Variants in B3GALNT2 observed in about 807,000 individuals in gnomAD.
B3GALNT2 encodes the protein UDP-GalNAc:beta-1,3-N-acetylgalactosaminyltransferase 2.
B3GALNT2 carries 53 observed loss-of-function variants against 61.1 expected under a neutral mutation model. The observed-to-expected ratio is 0.87, with a 90% confidence interval of 0.70 to 1.09. The LOEUF (loss-of-function observed/expected upper bound fraction) is 1.09. B3GALNT2 is among the 50% of genes least tolerant of loss of function. The pLI, the probability that B3GALNT2 is intolerant of heterozygous loss-of-function variation, is 0.00. For synonymous variants in B3GALNT2, 223 were observed against 237.4 expected, an observed-to-expected ratio of 0.94 and a Z score of 0.56; for missense variants, 544 against 623.0, an observed-to-expected ratio of 0.87 and a Z score of 1.35.
the B3GALNT2 span, chr1:235,441,433 A>G: frequency 1.8e-5 from 5 of 277,914 alleles, no homozygotes; most frequent in Admixed American, 5.1e-5. Flanking sequence ...ACCAAAGGTG[A>G]CACTCGGGGA....
chr1:235,479,764 C>G (rs79491446), intron 5 of B3GALNT2: 339 of 245,956 alleles, frequency 1.4e-3, no homozygotes, highest in African/African-American at 7.3e-3. Context: ...CACCCAACAT[C>G]ATCCTTTGTC....
intron 5 of B3GALNT2, among the ~76,000 whole-genome samples, chr1:235,478,556 C>T (rs148846260): frequency 6.6e-6 from 1 of 152,228 alleles, no homozygotes; most frequent in East Asian, 1.9e-4. Flanking sequence ...ACCCTTCGAC[C>T]CAACAATTCA....
intron 1 of B3GALNT2, among the ~76,000 whole-genome samples, chr1:235,495,601 G>T (rs1190608024): frequency 6.6e-6 from 1 of 151,882 alleles, no homozygotes; most frequent in Non-Finnish European, 1.5e-5. Context: ...ACTGTCAGAA[G>T]GTCTAATGGG....
intron 7 of B3GALNT2, chr1:235,464,075 A>T (rs991655032): frequency 6.6e-6 from 1 of 152,244 alleles, no homozygotes; most frequent in African/African-American, 2.4e-5. Flanking sequence ...CATGCCATAT[A>T]TGAAAATGAA....
At chr1:235,474,716 G>A (rs1684156544) in intron 5 of B3GALNT2, among the ~76,000 whole-genome samples, 1 of 151,628 alleles carries the variant, frequency 6.6e-6, no homozygotes, top group Non-Finnish European at 1.5e-5. Context: ...AGCTATTCAG[G>A]AGGCTGAGGC....
chr1:235,470,832 T>C lies in B3GALNT2; in HGVS notation c.762+18A>G. On this transcript the variant is annotated intron_variant, in intron 6 of 11. Transcript: ENST00000366600. ...GAAGCTAAAATATGCAATTAAACCT[T>C]AAAAAAAAACGACTTACTGTAATGA... The C allele has an allele frequency of 1.3e-6, 2 of 1,551,392 alleles. No homozygotes were observed. The highest frequency in any genetic ancestry group is 1.8e-6 in the Non-Finnish European group (2 of 1,142,104).
In B3GALNT2 at chr1:235,450,253, TCCACAGTTCCGTCAGTTC is replaced by T; in HGVS notation, c.1438_1455del (p.Glu480_Trp485del). On this transcript the variant is annotated inframe_deletion, in exon 12 of 12. Coordinates refer to ENST00000366600, the MANE Select transcript of B3GALNT2 (RefSeq NM_152490.5). ...GGATCACCGCACCGTTCCTTCAGTT[TCCACAGTTCCGTCAGTTC>T]CCACGGAGAATACTGAGGAGAAGAC... The T allele has an allele frequency of 1.2e-6, 2 of 1,614,172 alleles. No individual in the cohort carries two copies. Among genetic ancestry groups the T allele is most frequent in the Non-Finnish European group, 1.7e-6 (2 of 1,180,006 alleles).
At chr1:235,470,820 G>A (rs1683959893) in intron 6 of B3GALNT2, 30 bp downstream of exon 6, 1 of 1,597,364 alleles carries the variant, frequency 6.3e-7, no homozygotes, top group Non-Finnish European at 8.5e-7. Flanking sequence ...GCTAAAATAT[G>A]CAATTAAACC....
intron 6 of B3GALNT2, among the ~76,000 whole-genome samples, chr1:235,469,081 C>T (rs1335783352): frequency 1.3e-5 from 2 of 152,112 alleles, no homozygotes; most frequent in African/African-American, 4.8e-5. Flanking sequence ...ATCTATGGGT[C>T]TATTTGTTTA....
chr1:235,455,272 A>G (rs1281614516), intron 9 of B3GALNT2, among the ~76,000 whole-genome samples: 4 of 151,916 alleles, frequency 2.6e-5, no homozygotes. Flanking sequence ...ACAGGCTCAC[A>G]TCACCTTTTT....
chr1:235,487,951 G>A (rs958392769), intron 3 of B3GALNT2, among the ~76,000 whole-genome samples: 2 of 151,942 alleles, frequency 1.3e-5, no homozygotes, highest in Admixed American at 1.3e-4. Flanking sequence ...ACAATACTTG[G>A]CTAATGTTTT....
chr1:235,504,375 C>G lies in B3GALNT2; in HGVS notation c.-123G>C. The G allele has an allele frequency of 8.7e-7, 1 of 1,152,302 alleles. No homozygotes were observed. The highest frequency in any genetic ancestry group is 1.2e-6 in the Non-Finnish European group (1 of 867,564). 71.4% of individuals were successfully genotyped at this position (1,152,302 alleles called of 1,614,324 possible). A position where few individuals can be genotyped will look rare whatever the true frequency, so the allele number is the denominator to read the frequency against. On this transcript the variant is annotated 5_prime_UTR_variant, in exon 1 of 12. Transcript: ENST00000366600. ...CACTCCGAGCACGCCCGCCCTCGCG[C>G]TCGGCGACGTCTGGGGGGCTCCTCG...
At chr1:235,497,410 A>T (rs960104024) in intron 1 of B3GALNT2, among the ~76,000 whole-genome samples, 1 of 152,080 alleles carries the variant, frequency 6.6e-6, no homozygotes, top group Non-Finnish European at 1.5e-5. Flanking sequence ...TACAAAAAAA[A>T]TTTTGGATAT....
chr1:235,454,233 A>C lies in B3GALNT2; in HGVS notation c.1234T>G (p.Cys412Gly), dbSNP rs1486202893. Residue 412 changes from cysteine to glycine, a missense_variant, in exon 10 of 12, where the codon TGT becomes GGT. Transcript: ENST00000366600. ...TTGGAGATCACATATCCTGACCCAC[A>C]TGCAAAGGCAGGGTAAGCGGGGCTC... The part of the protein sequence containing the change: ...YPSPAYPAFA[C>G]GSGYVISKDI... 2 of 1,613,598 alleles carry C rather than the reference A, an allele frequency of 1.2e-6. No individual in the cohort carries two copies. Among genetic ancestry groups the C allele is most frequent in the Non-Finnish European group, 1.7e-6 (2 of 1,179,642 alleles).
intron 7 of B3GALNT2, among the ~76,000 whole-genome samples, chr1:235,462,357 C>T (rs940346949): frequency 2.6e-5 from 4 of 152,202 alleles, no homozygotes; most frequent in South Asian, 2.1e-4. Context: ...ATTCAACATA[C>T]ATGTTCTAGC....
intron 1 of B3GALNT2, among the ~76,000 whole-genome samples, chr1:235,500,066 C>G (rs1188659827): frequency 6.6e-6 from 1 of 152,008 alleles, no homozygotes; most frequent in Admixed American, 6.6e-5. Flanking sequence ...CTTCTGAGGC[C>G]TTATTTTGGG....
At chr1:235,472,673 A>T (rs1310123972) in intron 5 of B3GALNT2, among the ~76,000 whole-genome samples, 1 of 152,208 alleles carries the variant, frequency 6.6e-6, no homozygotes, top group Non-Finnish European at 1.5e-5. Context: ...TGAATAAATA[A>T]TGTTGAACTA....
intron 4 of B3GALNT2, among the ~76,000 whole-genome samples, chr1:235,480,557 C>A (rs1291138323): frequency 6.6e-6 from 1 of 151,846 alleles, no homozygotes; most frequent in African/African-American, 2.4e-5. Flanking sequence ...CAGGAAACTC[C>A]GTTCAAAAAG....
chr1:235,453,983 A>C (rs1424569094), intron 10 of B3GALNT2, among the ~76,000 whole-genome samples, 173 bp downstream of exon 10: 2 of 152,008 alleles, frequency 1.3e-5, no homozygotes, highest in Admixed American at 1.3e-4. Flanking sequence ...CGTAGGTGGG[A>C]AATCCTTAAT....
Sources: gnomAD v4.1 joint callset for allele counts (sites outside exome capture counted in the v4.1 genomes callset) on GRCh38, gnomAD v4.1.1 for gene constraint, MANE v1.5 for transcripts, NCBI Gene and HGNC (gene_info 2026-07-23, HGNC 2026-07-21) for gene names.